FAM135B: variants seen among roughly 807,000 people sequenced by gnomAD.
FAM135B encodes the protein protein FAM135B.
A neutral mutation model predicts 127.7 loss-of-function variants in FAM135B; 43 were observed. That is an observed-to-expected ratio of 0.34 (90% confidence interval 0.26 to 0.43). The LOEUF is 0.43. FAM135B is among the 20% of genes least tolerant of loss of function. FAM135B has a pLI of 1.00. For missense variants in FAM135B, 1,558 were observed against 1,725.6 expected, an observed-to-expected ratio of 0.90 and a Z score of 1.72; for synonymous variants, 670 against 665.1, an observed-to-expected ratio of 1.01 and a Z score of -0.11.
At chr8:138,265,868 C>A (rs2130633612) in intron 3 of FAM135B, 26 bp from the exon 4 acceptor site, 1 of 1,609,852 alleles carries the variant, frequency 6.2e-7, no homozygotes, top group Non-Finnish European at 8.5e-7. Flanking sequence ...CAGTAGGAAC[C>A]CATGAACTCC....
intron 6 of FAM135B, among the ~76,000 whole-genome samples, chr8:138,246,344 A>G (rs4629871): frequency 0.022 from 3,349 of 152,188 alleles, 95 homozygotes; most frequent in East Asian, 0.08. Flanking sequence ...GGAAGAAAGA[A>G]TGGTTTTGAG....
intron 1 of FAM135B, among the ~76,000 whole-genome samples, chr8:138,430,329 T>C (rs1420780251): frequency 6.6e-6 from 1 of 152,196 alleles, no homozygotes; most frequent in African/African-American, 2.4e-5. Flanking sequence ...AGAAGAACAC[T>C]GCAAGGACAA....
At chr8:138,394,979 G>T (rs115823830) in intron 1 of FAM135B, among the ~76,000 whole-genome samples, 1 of 152,136 alleles carries the variant, frequency 6.6e-6, no homozygotes, top group Non-Finnish European at 1.5e-5. Context: ...ACATGATTGG[G>T]TCACTTGTGT....
intron 11 of FAM135B, among the ~76,000 whole-genome samples, chr8:138,170,616 C>T (rs1013882019): frequency 2.0e-5 from 3 of 152,146 alleles, no homozygotes; most frequent in Admixed American, 6.6e-5. Flanking sequence ...TTTTGGATGT[C>T]ACCATGATTG....
At chr8:138,429,608 T>C (rs980528095) in intron 1 of FAM135B, among the ~76,000 whole-genome samples, 1 of 152,178 alleles carries the variant, frequency 6.6e-6, no homozygotes, top group African/African-American at 2.4e-5. Flanking sequence ...TTATAGCAAT[T>C]TTACAAGCTT....
At chr8:138,222,759 G>A (rs183939288) in intron 7 of FAM135B, among the ~76,000 whole-genome samples, 1 of 138,598 alleles carries the variant, frequency 7.2e-6, no homozygotes, top group Non-Finnish European at 1.5e-5. Context: ...TTTTAAAAAA[G>A]ATTCTGAAAA....
At chr8:138,378,508 C>G (rs1266657919) in intron 1 of FAM135B, among the ~76,000 whole-genome samples, 1 of 152,248 alleles carries the variant, frequency 6.6e-6, no homozygotes, top group Middle Eastern at 3.4e-3. Context: ...GTAGCAATGG[C>G]AGGAGAGGAA....
At position 138,266,091 on chromosome 8, in the gene FAM135B, G is replaced by A. The variant is rs534960369; in HGVS notation, c.158-249C>T. On this transcript the variant is annotated intron_variant, in intron 3 of 19. Coordinates refer to ENST00000395297, the MANE Select transcript of FAM135B (RefSeq NM_015912.4). Reference sequence around the variant, plus strand: ...AAATCTTGGCTAAGTCACTCATGCCGTGGGCAATGCTCCTGGGCTGCTATG... The same window carrying A: ...AAATCTTGGCTAAGTCACTCATGCCATGGGCAATGCTCCTGGGCTGCTATG... Among the ~76,000 whole-genome samples the A allele has an allele frequency of 3.3e-5, 5 of 152,248 alleles. No individual in the cohort carries two copies. The South Asian group carries it at 6.2e-4, about 19-fold the overall frequency.
intron 7 of FAM135B, among the ~76,000 whole-genome samples, chr8:138,223,315 G>A (rs1819174402): frequency 6.6e-6 from 1 of 152,170 alleles, no homozygotes; most frequent in Admixed American, 6.5e-5. Context: ...TGTAGTCCAG[G>A]AGCTCTTGAC....
At chr8:138,206,561 C>T (rs909355878) in intron 7 of FAM135B, among the ~76,000 whole-genome samples, 9 of 151,614 alleles carry the variant, frequency 5.9e-5, no homozygotes, top group Admixed American at 5.9e-4. Context: ...TCCCCTCCAC[C>T]TACACACAAC....
intron 1 of FAM135B, among the ~76,000 whole-genome samples, chr8:138,377,575 T>C (rs1831564273): frequency 6.6e-6 from 1 of 152,142 alleles, no homozygotes; most frequent in Non-Finnish European, 1.5e-5. Context: ...TGGAGATAAC[T>C]AACCCACTCC....
At position 138,242,266 on chromosome 8, in the gene FAM135B, C is replaced by A. The variant is rs981218533; in HGVS notation, c.669+676G>T. ...TTTCTCTGGAGAACCCTGAATAATA[C>A]AGGCTGTTTATTTATGAGTAGGCCA... On this transcript the variant is annotated intron_variant, in intron 7 of 19. Coordinates refer to ENST00000395297, the MANE Select transcript of FAM135B (RefSeq NM_015912.4). The surrounding 1 kb of genome is among the most constrained non-coding windows in gnomAD (Gnocchi z 9.6). 6.7e-6 allele frequency among the ~76,000 whole-genome samples: 1 copy of A among 148,504 alleles called. No homozygotes were observed. Among genetic ancestry groups the A allele is most frequent in the Non-Finnish European group, 1.5e-5 (1 of 67,622 alleles).
In FAM135B at chr8:138,316,450, C is replaced by T. The variant is rs562827034; in HGVS notation, c.78-5530G>A. Among the ~76,000 whole-genome samples the T allele has an allele frequency of 9.4e-4, 143 of 151,474 alleles. 3 individuals carry two copies. The highest frequency in any genetic ancestry group is 3.2e-3 in the African/African-American group (130 of 41,032). On this transcript the variant is annotated intron_variant, in intron 2 of 19. Coordinates refer to ENST00000395297, the MANE Select transcript of FAM135B (RefSeq NM_015912.4). ...CGGAGCTTGCAGTGAGCGGAGATCG[C>T]GCCACAGCACTCCCGCCTGGGCGAC...
At chr8:138,265,547 T>C (rs575637249) in intron 4 of FAM135B, among the ~76,000 whole-genome samples, 156 bp downstream of exon 4, 4 of 152,306 alleles carry the variant, frequency 2.6e-5, no homozygotes, top group African/African-American at 9.6e-5. Context: ...AAACAACGAA[T>C]ACATAAATAA....
At chr8:138,410,440 G>A (rs931846754) in intron 1 of FAM135B, among the ~76,000 whole-genome samples, 10 of 152,174 alleles carry the variant, frequency 6.6e-5, no homozygotes, top group Non-Finnish European at 1.2e-4. Flanking sequence ...TTATGGAACT[G>A]GCGATATAGC....
rs532851227 is a variant in FAM135B at position 138,241,151 on chromosome 8, T to C, written c.669+1791A>G. ...TCGGCCGACCACGGGGAGCTTTGCC[T>C]CAGTGATGGTCCTGTAGCAAAGGAC... On this transcript the variant is annotated intron_variant, in intron 7 of 19. Coordinates refer to ENST00000395297, the MANE Select transcript of FAM135B (RefSeq NM_015912.4). The surrounding 1 kb of genome is among the most constrained non-coding windows in gnomAD (Gnocchi z 4.8). Among the ~76,000 whole-genome samples the C allele has an allele frequency of 6.6e-5, 10 of 152,272 alleles. No individual in the cohort carries two copies. In the South Asian group the frequency reaches 1.9e-3, roughly 28 times the overall value.
At chr8:138,409,389 T>C (rs559130977) in intron 1 of FAM135B, among the ~76,000 whole-genome samples, 20 of 152,148 alleles carry the variant, frequency 1.3e-4, no homozygotes, top group Non-Finnish European at 2.6e-4. Flanking sequence ...AGAAGACTAA[T>C]CATGGATCAC....
intron 8 of FAM135B, 68 bp downstream of exon 8, chr8:138,197,447 TC>T (rs1816745386): frequency 6.4e-7 from 1 of 1,552,692 alleles, no homozygotes. Flanking sequence ...TGCCAGCTTT[TC>T]CCCATCCCTT....
intron 12 of FAM135B, 62 bp from the exon 13 acceptor site, chr8:138,153,278 C>A (rs187542939): frequency 1.1e-5 from 14 of 1,321,520 alleles, no homozygotes; most frequent in Non-Finnish European, 1.4e-5. Flanking sequence ...ACAAGTTATC[C>A]AAATGTCTAA....
Sources: allele counts gnomAD v4.1 joint callset (sites outside exome capture counted in the v4.1 genomes callset), GRCh38; gene constraint gnomAD v4.1.1; non-coding constraint Gnocchi (gnomAD v3.1); transcripts MANE v1.5; gene names NCBI Gene and HGNC (gene_info 2026-07-23, HGNC 2026-07-21).